The following MARCHF11 variants were observed in gnomAD, a reference collection of about 807,000 sequenced individuals.
The protein encoded by MARCHF11 is membrane associated ring-CH-type finger 11.
MARCHF11 carries 29 observed loss-of-function variants against 37.3 expected under a neutral mutation model. That is an observed-to-expected ratio of 0.78 (90% CI 0.58 to 1.06). MARCHF11 has a LOEUF of 1.06. Ranked by LOEUF, MARCHF11 falls within the 50% of genes least tolerant of loss-of-function variation. The probability of loss-of-function intolerance (pLI) is 0.00; values close to 1 mark genes in which losing one functional copy is unlikely to be tolerated. For synonymous variants in MARCHF11, 233 were observed against 228.0 expected (o/e 1.02, Z -0.20); for missense variants, 482 against 533.4 (o/e 0.90, Z 0.95).
intron 2 of MARCHF11, among the ~76,000 whole-genome samples, chr5:16,167,542 C>T (rs1738191680): frequency 6.6e-6 from 1 of 152,086 alleles, no homozygotes; most frequent in South Asian, 2.1e-4. Flanking sequence ...AGGCCATCTG[C>T]TTTCGAGTGT....
intron 2 of MARCHF11, among the ~76,000 whole-genome samples, chr5:16,132,713 C>T (rs137943234): frequency 9.0e-4 from 137 of 152,060 alleles, no homozygotes; most frequent in African/African-American, 3.2e-3. Flanking sequence ...TTTTGGAAAA[C>T]TTCTTGGAAA....
chr5:16,154,259 A>G (rs575844057), intron 2 of MARCHF11, among the ~76,000 whole-genome samples: 6 of 152,074 alleles, frequency 3.9e-5, no homozygotes, highest in African/African-American at 1.2e-4. Flanking sequence ...AGAATTCTGT[A>G]AGGAGTAATG....
intron 3 of MARCHF11, among the ~76,000 whole-genome samples, chr5:16,085,259 A>T (rs1019472280): frequency 1.3e-5 from 2 of 151,970 alleles, no homozygotes; most frequent in Non-Finnish European, 2.9e-5. Flanking sequence ...GAAGGCAGGG[A>T]TTTTGAGAGG....
At position 16,123,489 on chromosome 5, in the gene MARCHF11, C is replaced by T. The variant is rs151255829; in HGVS notation, c.694-32408G>A. On this transcript the variant is annotated intron_variant, in intron 2 of 3. Transcript: ENST00000332432. ...GTGTGAAACAATAAATTTCTGTTGT[C>T]TAAGCTGCTCAGTTTACTTTGTTAC... Among the ~76,000 whole-genome samples, 57 of 152,280 alleles carry T rather than the reference C, an allele frequency of 3.7e-4. No homozygotes were observed. In the East Asian group the frequency reaches 8.5e-3, roughly 23 times the overall value.
chr5:16,101,848 T>C (rs1338721425), intron 2 of MARCHF11, among the ~76,000 whole-genome samples: 1 of 152,206 alleles, frequency 6.6e-6, no homozygotes, highest in Admixed American at 6.5e-5. Flanking sequence ...TGTAGGCCAA[T>C]GCAATTTCTC....
At chr5:16,159,932 C>G (rs527839035) in intron 2 of MARCHF11, among the ~76,000 whole-genome samples, 1 of 152,046 alleles carries the variant, frequency 6.6e-6, no homozygotes, top group South Asian at 2.1e-4. Context: ...AAATATAGTT[C>G]ATAAGTTTTA....
chr5:16,082,790 C>T (rs1449510262), intron 3 of MARCHF11, among the ~76,000 whole-genome samples: 1 of 152,130 alleles, frequency 6.6e-6, no homozygotes, highest in East Asian at 1.9e-4. Flanking sequence ...TCTTCACGTG[C>T]CCCATGATTT....
intron 2 of MARCHF11, among the ~76,000 whole-genome samples, chr5:16,109,103 TACACACACACACACACAC>T (rs3031633): frequency 7.1e-6 from 1 of 141,322 alleles, no homozygotes; most frequent in South Asian, 2.3e-4. Context: ...ACATAAGAAA[TACACACACACACACACAC>T]ACACACACAC....
At chr5:16,105,511 A>T (rs1463906752) in intron 2 of MARCHF11, among the ~76,000 whole-genome samples, 1 of 152,168 alleles carries the variant, frequency 6.6e-6, no homozygotes, top group East Asian at 1.9e-4. Context: ...TAGGGCAATC[A>T]TTCATATTTT....
intron 2 of MARCHF11, among the ~76,000 whole-genome samples, chr5:16,160,545 T>G (rs1292799982): frequency 6.6e-6 from 1 of 151,202 alleles, no homozygotes; most frequent in Non-Finnish European, 1.5e-5. Context: ...TTGAATGTAC[T>G]ATGATAACTT....
chr5:16,179,599 G>A lies in MARCHF11; in HGVS notation c.-24C>T. 8.6e-7 allele frequency: 1 copy of A among 1,163,024 alleles called. No individual in the cohort carries two copies. Among genetic ancestry groups the A allele is most frequent in the Non-Finnish European group, 1.1e-6 (1 of 944,288 alleles). The allele number at this position is 1,163,024 out of a possible 1,614,324, so 72.0% of individuals were successfully genotyped here. A position where few individuals can be genotyped will look rare whatever the true frequency, so the allele number is the denominator to read the frequency against. ...ATGGTTGTGCCGCCGCCGCCCTCCT[G>A]CCGGCCCGGCTGGCGGGCCGGGCTC... On this transcript the variant is annotated 5_prime_UTR_variant, in exon 1 of 4. Transcript: ENST00000332432.
At chr5:16,132,086 A>C (rs988344944) in intron 2 of MARCHF11, among the ~76,000 whole-genome samples, 4 of 152,246 alleles carry the variant, frequency 2.6e-5, no homozygotes, top group African/African-American at 9.6e-5. Flanking sequence ...GCATCTACCA[A>C]CTGTGACTGT....
intron 2 of MARCHF11, among the ~76,000 whole-genome samples, chr5:16,127,763 A>G (rs73044659): frequency 6.6e-6 from 1 of 152,146 alleles, no homozygotes; most frequent in Non-Finnish European, 1.5e-5. Flanking sequence ...AGATGTGCCA[A>G]ATACTCTTGA....
intron 2 of MARCHF11, among the ~76,000 whole-genome samples, chr5:16,098,708 C>T (rs1736909290): frequency 6.7e-6 from 1 of 150,250 alleles, no homozygotes; most frequent in African/African-American, 2.5e-5. Context: ...GCAGAGGTTG[C>T]AGTGAGTTGA....
At chr5:16,091,829 T>G (rs956299097) in intron 2 of MARCHF11, among the ~76,000 whole-genome samples, 1 of 152,236 alleles carries the variant, frequency 6.6e-6, no homozygotes, top group African/African-American at 2.4e-5. Flanking sequence ...ACAGTACAAA[T>G]GATCAAAAAT....
intron 2 of MARCHF11, among the ~76,000 whole-genome samples, chr5:16,097,310 A>T (rs1209424242): frequency 6.6e-6 from 1 of 152,226 alleles, no homozygotes; most frequent in Non-Finnish European, 1.5e-5. Flanking sequence ...GCTGCATATT[A>T]AAAGTGATTT....
At chr5:16,070,805 C>T (rs957577341) in intron 3 of MARCHF11, among the ~76,000 whole-genome samples, 11 of 152,148 alleles carry the variant, frequency 7.2e-5, no homozygotes, top group African/African-American at 2.4e-4. Flanking sequence ...TTTTAATTGC[C>T]GTAGGTTATG....
At chr5:16,165,119 G>T (rs1282420700) in intron 2 of MARCHF11, among the ~76,000 whole-genome samples, 1 of 151,964 alleles carries the variant, frequency 6.6e-6, no homozygotes, top group Non-Finnish European at 1.5e-5. Context: ...TCCCCTTCCA[G>T]AATGCTCTTC....
intron 2 of MARCHF11, among the ~76,000 whole-genome samples, chr5:16,126,250 A>T (rs1287869940): frequency 6.6e-6 from 1 of 152,240 alleles, no homozygotes; most frequent in Non-Finnish European, 1.5e-5. Flanking sequence ...CATCTGACAT[A>T]GAAAGAAAGG....
Sources: gnomAD v4.1 joint callset for allele counts (sites outside exome capture counted in the v4.1 genomes callset) on GRCh38, gnomAD v4.1.1 for gene constraint, MANE v1.5 for transcripts, NCBI Gene and HGNC (gene_info 2026-07-23, HGNC 2026-07-21) for gene names.